Variants in TLK2 observed in about 807,000 individuals in gnomAD.
The protein encoded by TLK2 is serine/threonine-protein kinase tousled-like 2.
A neutral mutation model predicts 117.3 loss-of-function variants in TLK2; 6 were observed. That is an observed-to-expected ratio of 0.05 (90% CI 0.03 to 0.10). TLK2 has a LOEUF of 0.10. TLK2 is among the 10% of genes least tolerant of loss of function. TLK2 has a pLI of 1.00. For missense variants in TLK2, 299 were observed against 901.2 expected (o/e 0.33, Z 8.56); for synonymous variants, 257 against 316.7 (o/e 0.81, Z 2.00).
rs1242877966 is a variant in TLK2, at chr17:62,610,260, T to G, written c.2079+2112T>G. 2.0e-5 allele frequency among the ~76,000 whole-genome samples: 3 copies of G among 152,260 alleles called. No individual in the cohort carries two copies. In the East Asian group the frequency reaches 5.8e-4, roughly 29 times the overall value. On this transcript the variant is annotated intron_variant, in intron 21 of 21. Transcript: ENST00000346027. ...AAATGTTTCTGTGCATTATCTCCTG[T>G]GTCCCTGTTTCTCCTAATCCTACCC...
intron 11 of TLK2, among the ~76,000 whole-genome samples, chr17:62,566,905 G>T (rs1232604742): frequency 6.6e-6 from 1 of 152,190 alleles, no homozygotes; most frequent in Non-Finnish European, 1.5e-5. Context: ...GAAAGATGGT[G>T]AGTTTGTATA....
chr17:62,560,802 C>T (rs943778351), intron 10 of TLK2, among the ~76,000 whole-genome samples: 8 of 151,682 alleles, frequency 5.3e-5, no homozygotes, highest in Non-Finnish European at 1.0e-4. Flanking sequence ...TATAGGCGTG[C>T]GCCACCATGC....
chr17:62,533,024 A>G (rs1433702418), intron 6 of TLK2, among the ~76,000 whole-genome samples: 1 of 152,108 alleles, frequency 6.6e-6, no homozygotes, highest in Non-Finnish European at 1.5e-5. Context: ...TTCATTAGTT[A>G]TGTATATTAA....
intron 2 of TLK2, among the ~76,000 whole-genome samples, chr17:62,487,832 A>G (rs1290982252): frequency 1.3e-5 from 2 of 151,868 alleles, no homozygotes; most frequent in East Asian, 2.0e-4. Flanking sequence ...CATGTTGGTC[A>G]GGTTGTTCTT....
rs181352091 is a variant in TLK2 at position 62,527,943 on chromosome 17, A to G, written c.363+3612A>G. Among the ~76,000 whole-genome samples the G allele has an allele frequency of 2.4e-3, 361 of 152,118 alleles. 2 individuals are homozygous for G. The highest frequency in any genetic ancestry group is 6.7e-3 in the African/African-American group (277 of 41,502). On this transcript the variant is annotated intron_variant, in intron 6 of 21. Transcript: ENST00000346027. ...TTTTTAGTAGAGACGGGGTTTCACC[A>G]TGTTGGCCAGGATGGTCTCGATCTC...
At chr17:62,612,103 T>A (rs1303801625) in intron 21 of TLK2, 2 of 242,514 alleles carry the variant, frequency 8.2e-6, no homozygotes, top group African/African-American at 4.5e-5. Context: ...GTCTTAGTGC[T>A]TTGGGGGCAG....
At chr17:62,592,131 T>G in intron 16 of TLK2, among the ~76,000 whole-genome samples, 1 of 151,988 alleles carries the variant, frequency 6.6e-6, no homozygotes, top group East Asian at 1.9e-4. Context: ...TTTTGTATTT[T>G]TTTTTTTAGT....
chr17:62,488,169 T>A (rs1053232883), intron 2 of TLK2, among the ~76,000 whole-genome samples: 3 of 149,710 alleles, frequency 2.0e-5, no homozygotes, highest in Non-Finnish European at 4.4e-5. Context: ...TCCTGACCTC[T>A]GGAGTTCACC....
chr17:62,487,692 C>T (rs1316568202), intron 2 of TLK2, among the ~76,000 whole-genome samples: 3 of 125,370 alleles, frequency 2.4e-5, no homozygotes, highest in East Asian at 2.6e-4. Context: ...GGCATGATCT[C>T]GGCTCACCGC....
intron 16 of TLK2, among the ~76,000 whole-genome samples, chr17:62,591,415 G>A (rs2082073230): frequency 6.6e-6 from 1 of 150,838 alleles, no homozygotes; most frequent in South Asian, 2.1e-4. Context: ...GGAGGCCAAA[G>A]CTACATTTGC....
chr17:62,487,059 C>T (rs1400162297), intron 2 of TLK2, among the ~76,000 whole-genome samples: 1 of 152,044 alleles, frequency 6.6e-6, no homozygotes, highest in African/African-American at 2.4e-5. Context: ...TTTGGGAGGC[C>T]GAGGCAGGCA....
chr17:62,577,320 A>G (rs542360653), intron 13 of TLK2, among the ~76,000 whole-genome samples: 51 of 152,154 alleles, frequency 3.4e-4, no homozygotes, highest in African/African-American at 1.2e-3. Flanking sequence ...TTTTCCCCCT[A>G]GTGATCTATC....
At position 62,600,658 on chromosome 17, in the gene TLK2, A is replaced by C; in HGVS notation, c.1558A>C (p.Thr520Pro). 6.3e-7 allele frequency: 1 copy of C among 1,597,456 alleles called. No homozygotes were observed. The highest frequency in any genetic ancestry group is 8.5e-7 in the Non-Finnish European group (1 of 1,175,600). ...YFSLDTDSFC[T>P]VLEYCEGNDL... ...TGGTTTATTTGTCTTTAGGTTTTGT[A>C]CAGTATTAGAATACTGTGAGGGAAA... is the stretch of plus-strand genomic sequence containing the variant. Residue 520 changes from threonine (T) to proline (P), a missense_variant, in exon 18 of 22, where the codon ACA becomes CCA. Thr to Pro is a conservative substitution (Grantham distance 38, BLOSUM62 -1). Coordinates refer to ENST00000346027, the MANE Select transcript of TLK2 (RefSeq NM_006852.6).
At position 62,612,745 on chromosome 17, in the gene TLK2, C is replaced by A. The variant is rs1255998861; in HGVS notation, c.*180C>A. 1.5e-5 allele frequency: 8 copies of A among 519,008 alleles called. No individual in the cohort carries two copies. The highest frequency in any genetic ancestry group is 6.4e-6 in the Non-Finnish European group (2 of 314,754). 32.2% of individuals were successfully genotyped at this position (519,008 alleles called of 1,614,324 possible). ...AGCATCGATTCTCATTGAGGAGAAACCTTGGGCAGCTCCGGCCAGGCCTTG... is the reference window on the plus strand; with the variant it reads ...AGCATCGATTCTCATTGAGGAGAAAACTTGGGCAGCTCCGGCCAGGCCTTG... On this transcript the variant is annotated 3_prime_UTR_variant, in exon 22 of 22. Transcript: ENST00000346027.
intron 7 of TLK2, among the ~76,000 whole-genome samples, chr17:62,542,306 A>C (rs2077591393): frequency 6.6e-6 from 1 of 152,176 alleles, no homozygotes; most frequent in Non-Finnish European, 1.5e-5. Context: ...TTATTGGTGG[A>C]GACAGGGTCC....
intron 15 of TLK2, among the ~76,000 whole-genome samples, chr17:62,584,489 G>T (rs1207863388): frequency 6.6e-6 from 1 of 152,006 alleles, no homozygotes; most frequent in African/African-American, 2.4e-5. Flanking sequence ...ATTGTGAATG[G>T]ACTGAAGATT....
chr17:62,572,378 C>T (rs1028407684), intron 11 of TLK2, among the ~76,000 whole-genome samples: 4 of 150,794 alleles, frequency 2.7e-5, no homozygotes, highest in Non-Finnish European at 5.9e-5. Flanking sequence ...GTCTGTAAAC[C>T]TTAATATCTG....
chr17:62,544,016 G>A (rs1273597127), intron 7 of TLK2, among the ~76,000 whole-genome samples: 1 of 152,106 alleles, frequency 6.6e-6, no homozygotes, highest in Admixed American at 6.5e-5. Flanking sequence ...TGTGGTATGA[G>A]GAAGGAGTTC....
In TLK2 at chr17:62,580,168, A is replaced by G; in HGVS notation, c.1344A>G (p.Arg448=). 6.2e-7 allele frequency: 1 copy of G among 1,612,460 alleles called. No individual in the cohort carries two copies. Among genetic ancestry groups the G allele is most frequent in the Non-Finnish European group, 8.5e-7 (1 of 1,179,408 alleles). The part of the protein sequence containing the change: ...DRYLLLHLLG[R]GGFSEVYKAF... ...ATTTGTTGTTACATCTTTTGGGTAG[A>G]GGAGGTTTCAGTGAAGTTTACAAGG... The change falls in exon 15 of 22, where the codon AGA becomes AGG. Residue 448 remains arginine, a synonymous_variant. Transcript: ENST00000346027.
Sources: gnomAD v4.1 joint callset for allele counts (sites outside exome capture counted in the v4.1 genomes callset) on GRCh38, gnomAD v4.1.1 for gene constraint, MANE v1.5 for transcripts, NCBI Gene and HGNC (gene_info 2026-07-23, HGNC 2026-07-21) for gene names.